Variants in TAFA1 observed in about 807,000 individuals in gnomAD.
The protein encoded by TAFA1 is TAFA chemokine like family member 1.
Under a neutral mutation model 18.5 loss-of-function variants are expected in TAFA1, and 4 were observed. The ratio of observed to expected loss-of-function variants is 0.22; its 90% confidence interval spans 0.11 to 0.49. TAFA1 has a LOEUF of 0.49. TAFA1 is among the 20% of genes least tolerant of loss of function. The probability of loss-of-function intolerance (pLI) is 0.98; values close to 1 mark genes in which losing one functional copy is unlikely to be tolerated. For synonymous variants in TAFA1, 56 were observed against 55.2 expected, an observed-to-expected ratio of 1.01 and a Z score of -0.06; for missense variants, 147 against 169.0, an observed-to-expected ratio of 0.87 and a Z score of 0.72.
chr3:68,524,654 G>GT (rs1327308686), intron 3 of TAFA1, among the ~76,000 whole-genome samples: 1 of 150,508 alleles, frequency 6.6e-6, no homozygotes, highest in African/African-American at 2.4e-5. Context: ...TTTCTAGGTT[G>GT]TTTTTTGTTT....
chr3:68,354,951 A>G (rs1459067724), intron 2 of TAFA1, among the ~76,000 whole-genome samples: 1 of 152,016 alleles, frequency 6.6e-6, no homozygotes, highest in South Asian at 2.1e-4. Flanking sequence ...ATTAAGTTTC[A>G]GCATGAGCTT....
intron 2 of TAFA1, among the ~76,000 whole-genome samples, chr3:68,140,676 T>G (rs1351171111): frequency 1.3e-5 from 2 of 152,194 alleles, no homozygotes; most frequent in Non-Finnish European, 2.9e-5. Flanking sequence ...GAGTTGGGTA[T>G]GAGAATTCAG....
chr3:68,391,227 A>G (rs1006978070), intron 2 of TAFA1, among the ~76,000 whole-genome samples: 9 of 152,180 alleles, frequency 5.9e-5, no homozygotes, highest in African/African-American at 1.2e-4. Flanking sequence ...ACAAGTGTCA[A>G]TAGCCAAATC....
At chr3:68,363,880 G>T (rs548754860) in intron 2 of TAFA1, among the ~76,000 whole-genome samples, 2 of 152,082 alleles carry the variant, frequency 1.3e-5, no homozygotes, top group African/African-American at 2.4e-5. Context: ...ACAACATTGC[G>T]AACATAAGTT....
At chr3:68,521,180 G>A (rs1211126893) in intron 3 of TAFA1, among the ~76,000 whole-genome samples, 1 of 152,194 alleles carries the variant, frequency 6.6e-6, no homozygotes, top group Non-Finnish European at 1.5e-5. Context: ...TAAGGACCAG[G>A]CCAGCAGTGA....
At chr3:68,125,400 C>T (rs2065452088) in intron 2 of TAFA1, among the ~76,000 whole-genome samples, 2 of 152,174 alleles carry the variant, frequency 1.3e-5, no homozygotes, top group Admixed American at 1.3e-4. Context: ...TACTGCTGCT[C>T]GTTGTTTTGA....
chr3:68,071,383 G>T (rs1417462583), intron 2 of TAFA1, among the ~76,000 whole-genome samples: 1 of 151,458 alleles, frequency 6.6e-6, no homozygotes, highest in African/African-American at 2.4e-5. Flanking sequence ...CTCCCACCAG[G>T]TCCCTCCCAA....
chr3:68,442,036 C>T (rs1442882296), intron 3 of TAFA1, among the ~76,000 whole-genome samples: 2 of 152,174 alleles, frequency 1.3e-5, no homozygotes, highest in African/African-American at 4.8e-5. Context: ...TCACCAGAAT[C>T]CTGCTGCTCC....
chr3:68,021,476 A>G (rs1279616804), intron 2 of TAFA1, among the ~76,000 whole-genome samples: 3 of 152,050 alleles, frequency 2.0e-5, no homozygotes, highest in African/African-American at 7.2e-5. Context: ...ATAATCCATC[A>G]CCCTTTTATC....
chr3:68,389,087 G>A (rs951684777), intron 2 of TAFA1, among the ~76,000 whole-genome samples: 1 of 152,124 alleles, frequency 6.6e-6, no homozygotes, highest in Non-Finnish European at 1.5e-5. Context: ...CGTTTATAAG[G>A]AGAGTTCTGT....
chr3:68,453,364 A>G (rs1378381381), intron 3 of TAFA1, among the ~76,000 whole-genome samples: 3 of 152,156 alleles, frequency 2.0e-5, no homozygotes, highest in African/African-American at 4.8e-5. Flanking sequence ...TGTAAATGCA[A>G]TTCTTCTTCA....
chr3:68,326,638 A>T (rs967816097), intron 2 of TAFA1, among the ~76,000 whole-genome samples: 3 of 152,206 alleles, frequency 2.0e-5, no homozygotes, highest in Admixed American at 6.5e-5. Context: ...TTGAAAGAAT[A>T]CATACATTTT....
chr3:68,111,847 T>C (rs2065266630), intron 2 of TAFA1, among the ~76,000 whole-genome samples: 1 of 151,788 alleles, frequency 6.6e-6, no homozygotes, highest in Non-Finnish European at 1.5e-5. Flanking sequence ...TGTTAGGACA[T>C]TAGTAGTATT....
At chr3:68,354,073 G>A (rs1000223698) in intron 2 of TAFA1, among the ~76,000 whole-genome samples, 17 of 151,672 alleles carry the variant, frequency 1.1e-4, no homozygotes, top group African/African-American at 4.1e-4. Flanking sequence ...TTGACTATAG[G>A]GGTTTTCGTT....
intron 2 of TAFA1, among the ~76,000 whole-genome samples, chr3:68,414,979 A>G (rs956694623): frequency 6.6e-6 from 1 of 152,164 alleles, no homozygotes; most frequent in Admixed American, 6.5e-5. Context: ...GACGGAGGGT[A>G]TTTGTAGCTG....
At chr3:68,234,980 T>G (rs1451379105) in intron 2 of TAFA1, among the ~76,000 whole-genome samples, 1 of 152,188 alleles carries the variant, frequency 6.6e-6, no homozygotes, top group Non-Finnish European at 1.5e-5. Flanking sequence ...CCATTGTCTG[T>G]AATAAACGCT....
chr3:68,193,465 C>T (rs1369736603), intron 2 of TAFA1, among the ~76,000 whole-genome samples: 1 of 151,654 alleles, frequency 6.6e-6, no homozygotes. Flanking sequence ...AACAAGAAAA[C>T]AGAAAAGTCA....
intron 2 of TAFA1, among the ~76,000 whole-genome samples, chr3:68,087,952 G>C (rs938090186): frequency 1.3e-5 from 2 of 152,014 alleles, no homozygotes; most frequent in Admixed American, 1.3e-4. Context: ...GATACTGTGT[G>C]CCAGGTTCTG....
intron 2 of TAFA1, among the ~76,000 whole-genome samples, chr3:68,294,423 C>T (rs1696351097): frequency 1.3e-5 from 2 of 152,242 alleles, no homozygotes; most frequent in South Asian, 2.1e-4. Flanking sequence ...TATACCAACT[C>T]TTCAAATCCA....
Sources: allele counts gnomAD v4.1 joint callset (sites outside exome capture counted in the v4.1 genomes callset), GRCh38; gene constraint gnomAD v4.1.1; transcripts MANE v1.5; gene names NCBI Gene and HGNC (gene_info 2026-07-23, HGNC 2026-07-21).